Variants in SYT16 observed in about 807,000 individuals in gnomAD.
The protein encoded by SYT16 is synaptotagmin-16.
In SYT16, 42 loss-of-function variants were observed where a neutral mutation model predicts 61.4. The observed-to-expected ratio is 0.68, with a 90% CI of 0.53 to 0.89. SYT16 has a LOEUF of 0.89. Among genes scored for constraint, SYT16 ranks in the 40% least tolerant of loss-of-function variants. The pLI is 0.00. For synonymous variants in SYT16, 314 were observed against 302.3 expected, an observed-to-expected ratio of 1.04 and a Z score of -0.40; for missense variants, 804 against 807.3, an observed-to-expected ratio of 1.00 and a Z score of 0.05.
chr14:61,888,221 G>A (rs930455498), intron 1 of SYT16, among the ~76,000 whole-genome samples: 7 of 149,908 alleles, frequency 4.7e-5, no homozygotes, highest in Non-Finnish European at 2.9e-5. Flanking sequence ...ACGTTCTAAC[G>A]ATTCTCCTGC....
chr14:61,934,214 C>G (rs1289025699), intron 1 of SYT16, among the ~76,000 whole-genome samples: 3 of 152,136 alleles, frequency 2.0e-5, no homozygotes, highest in East Asian at 3.9e-4. Flanking sequence ...TTCAACCTTT[C>G]TTTCATTTTG....
chr14:61,834,357 C>G (rs998495256), intron 1 of SYT16, among the ~76,000 whole-genome samples: 1 of 148,430 alleles, frequency 6.7e-6, no homozygotes, highest in African/African-American at 2.5e-5. Context: ...GTCTTAGACT[C>G]TTGGCCTCGT....
chr14:61,991,181 C>CT (rs1192729481), intron 2 of SYT16, among the ~76,000 whole-genome samples: 1 of 152,048 alleles, frequency 6.6e-6, no homozygotes. Context: ...CACACACCAT[C>CT]TTTTTTTGTT....
At chr14:62,061,727 G>A (rs1341301336) in intron 3 of SYT16, among the ~76,000 whole-genome samples, 2 of 152,096 alleles carry the variant, frequency 1.3e-5, no homozygotes, top group South Asian at 4.2e-4. Flanking sequence ...CACCTATTAA[G>A]GGCTTCAAAA....
intron 1 of SYT16, among the ~76,000 whole-genome samples, chr14:61,863,222 A>T (rs2047019740): frequency 6.6e-6 from 1 of 152,210 alleles, no homozygotes; most frequent in Non-Finnish European, 1.5e-5. Flanking sequence ...TGGTTGTACC[A>T]TTTTGCATTC....
At chr14:61,948,414 A>G (rs1396366006) in intron 1 of SYT16, among the ~76,000 whole-genome samples, 1 of 139,526 alleles carries the variant, frequency 7.2e-6, no homozygotes, top group East Asian at 2.0e-4. Flanking sequence ...TTAAAAAACT[A>G]AAAAAAAAAA....
intron 2 of SYT16, among the ~76,000 whole-genome samples, chr14:61,990,830 CAGTT>C (rs1208360489): frequency 6.6e-6 from 1 of 152,144 alleles, no homozygotes; most frequent in African/African-American, 2.4e-5. Context: ...TCTCTGTTCA[CAGTT>C]AGCTTTGGTG....
intron 3 of SYT16, among the ~76,000 whole-genome samples, chr14:62,010,055 T>A (rs1018320825): frequency 6.6e-6 from 1 of 152,206 alleles, no homozygotes; most frequent in Non-Finnish European, 1.5e-5. Context: ...TCTGTTGAAA[T>A]AATTTCTGCT....
At chr14:61,887,318 T>C (rs932367330) in intron 1 of SYT16, among the ~76,000 whole-genome samples, 2 of 152,216 alleles carry the variant, frequency 1.3e-5, no homozygotes, top group Non-Finnish European at 1.5e-5. Flanking sequence ...GTTTTATTTC[T>C]AGAGCACAGG....
intron 3 of SYT16, among the ~76,000 whole-genome samples, chr14:62,036,603 G>T (rs542919262): frequency 2.0e-5 from 3 of 152,220 alleles, no homozygotes; most frequent in African/African-American, 7.2e-5. Flanking sequence ...ACATGGCTAG[G>T]GAGGCCTCAT....
intron 6 of SYT16, among the ~76,000 whole-genome samples, chr14:62,082,005 G>A (rs2140976533): frequency 6.6e-6 from 1 of 152,340 alleles, no homozygotes; most frequent in South Asian, 2.1e-4. Flanking sequence ...TGGAGAGCTT[G>A]CAGTCTAGTG....
chr14:61,840,496 C>T (rs947761639), intron 1 of SYT16, among the ~76,000 whole-genome samples: 1 of 152,134 alleles, frequency 6.6e-6, no homozygotes, highest in Non-Finnish European at 1.5e-5. Context: ...AAAGAATAGC[C>T]AGAGTTGGGA....
At chr14:61,836,910 A>G (rs767557288) in intron 1 of SYT16, among the ~76,000 whole-genome samples, 4 of 152,098 alleles carry the variant, frequency 2.6e-5, no homozygotes, top group Admixed American at 6.5e-5. Context: ...ATTTCATGCA[A>G]ATTTTCTGAT....
At chr14:61,917,691 TG>T (rs2140396898) in intron 1 of SYT16, among the ~76,000 whole-genome samples, 1 of 152,288 alleles carries the variant, frequency 6.6e-6, no homozygotes, top group South Asian at 2.1e-4. Flanking sequence ...GACTTTTTTT[TG>T]TCACTTGCAA....
At chr14:62,028,844 T>G (rs1225542595) in intron 3 of SYT16, among the ~76,000 whole-genome samples, 1 of 152,226 alleles carries the variant, frequency 6.6e-6, no homozygotes, top group Admixed American at 6.5e-5. Context: ...AATTAATTTA[T>G]AACTATGAAC....
At chr14:61,963,412 T>C (rs2051189109) in intron 1 of SYT16, among the ~76,000 whole-genome samples, 1 of 152,190 alleles carries the variant, frequency 6.6e-6, no homozygotes, top group Non-Finnish European at 1.5e-5. Context: ...TTATTGCTGA[T>C]ATGGAGAAGG....
chr14:61,973,107 T>C (rs998683276), intron 2 of SYT16, among the ~76,000 whole-genome samples: 4 of 152,212 alleles, frequency 2.6e-5, no homozygotes, highest in Non-Finnish European at 4.4e-5. Flanking sequence ...TTCTGAAGAA[T>C]AAAATAATTC....
intron 1 of SYT16, among the ~76,000 whole-genome samples, chr14:61,834,428 C>CATTTT (rs1555345830): frequency 1.4e-4 from 11 of 76,852 alleles, no homozygotes; most frequent in Non-Finnish European, 2.5e-4. Context: ...CCGTGCCTGG[C>CATTTT]TTTTTTTTTT....
rs568580847 is a variant in SYT16, at chr14:62,019,923, G to C, written c.523+23381G>C. ...CACAATCCCATCAAACACTAGTAAT[G>C]CTGCCAGAAGGCCTGGAGATAGGCG... On this transcript the variant is annotated intron_variant, in intron 3 of 7. Transcript: ENST00000683842. Among the ~76,000 whole-genome samples, 7 of 152,320 alleles carry C rather than the reference G, an allele frequency of 4.6e-5. No individual in the cohort carries two copies. In the East Asian group the frequency reaches 1.3e-3, roughly 29 times the overall value.
Sources: gnomAD v4.1 joint callset for allele counts (sites outside exome capture counted in the v4.1 genomes callset) on GRCh38, gnomAD v4.1.1 for gene constraint, MANE v1.5 for transcripts, NCBI Gene and HGNC (gene_info 2026-07-23, HGNC 2026-07-21) for gene names.